The following NOX4 variants were observed in gnomAD, a reference collection of about 807,000 sequenced individuals.
NOX4 encodes the protein kidney oxidase-1.
In NOX4, 69 loss-of-function variants were observed where a neutral mutation model predicts 87.6. That is an observed-to-expected ratio of 0.79 (90% CI 0.65 to 0.96). The LOEUF (loss-of-function observed/expected upper bound fraction) is 0.96, where lower values mean the gene tolerates loss of function less well. Among genes scored for constraint, NOX4 ranks in the 40% least tolerant of loss-of-function variants. NOX4 has a pLI of 0.00. For missense variants in NOX4, 680 were observed against 681.5 expected, an observed-to-expected ratio of 1.00 and a Z score of 0.02; for synonymous variants, 275 against 238.2, an observed-to-expected ratio of 1.15 and a Z score of -1.42.
intron 6 of NOX4, among the ~76,000 whole-genome samples, chr11:89,436,248 G>T (rs1266105974): frequency 6.6e-6 from 1 of 152,154 alleles, no homozygotes. Context: ...GCTGTAAAGA[G>T]AGCTAAGCAC....
chr11:89,364,544 A>C (rs1287971732), intron 12 of NOX4, among the ~76,000 whole-genome samples: 1 of 152,124 alleles, frequency 6.6e-6, no homozygotes, highest in African/African-American at 2.4e-5. Flanking sequence ...ACTGTCTTAC[A>C]TAAGGGGAAA....
chr11:89,369,063 C>T (rs1157809143), intron 12 of NOX4, among the ~76,000 whole-genome samples: 1 of 152,068 alleles, frequency 6.6e-6, no homozygotes, highest in Non-Finnish European at 1.5e-5. Context: ...TTGTATGCTG[C>T]AAATGCAATT....
intron 8 of NOX4, among the ~76,000 whole-genome samples, chr11:89,407,658 C>G (rs1159922731): frequency 6.6e-6 from 1 of 151,618 alleles, no homozygotes; most frequent in East Asian, 1.9e-4. Flanking sequence ...GTTTTGCTTT[C>G]TGTTTGTTTC....
chr11:89,390,436 A>C (rs945753647), intron 11 of NOX4, among the ~76,000 whole-genome samples: 3 of 152,330 alleles, frequency 2.0e-5, no homozygotes, highest in African/African-American at 7.2e-5. Context: ...TTTAAAGCCA[A>C]CTATTGTAAC....
At chr11:89,487,466 T>C (rs1042377006) in intron 2 of NOX4, among the ~76,000 whole-genome samples, 1 of 152,134 alleles carries the variant, frequency 6.6e-6, no homozygotes, top group Non-Finnish European at 1.5e-5. Flanking sequence ...GTTATTACCT[T>C]ACATTTCACA....
At chr11:89,587,939 T>C in the NOX4 span, among the ~76,000 whole-genome samples, 1 of 152,164 alleles carries the variant, frequency 6.6e-6, no homozygotes, top group Non-Finnish European at 1.5e-5. Context: ...ACTTTATGTT[T>C]TCTCATTGCA....
chr11:89,325,719 T>C lies in NOX4; in HGVS notation c.*1037A>G, dbSNP rs1945193635. On this transcript the variant is annotated 3_prime_UTR_variant, in exon 18 of 18. Transcript: ENST00000263317. Reference sequence around the variant, plus strand: ...CAATGTGTGGCAAAGGAGATAAATCTTATATTCAGTCCCTACTGACACACA... The same window carrying C: ...CAATGTGTGGCAAAGGAGATAAATCCTATATTCAGTCCCTACTGACACACA... The C allele has an allele frequency of 6.6e-6, 1 of 152,016 alleles. No individual in the cohort carries two copies. The highest frequency in any genetic ancestry group is 2.4e-5 in the African/African-American group (1 of 41,396). The allele number at this position is 152,016 out of a possible 1,614,324, so 9.4% of individuals were successfully genotyped here. A position where few individuals can be genotyped will look rare whatever the true frequency, so the allele number is the denominator to read the frequency against.
intron 2 of NOX4, among the ~76,000 whole-genome samples, chr11:89,458,026 A>T (rs974098042): frequency 3.3e-5 from 5 of 152,176 alleles, no homozygotes; most frequent in African/African-American, 1.2e-4. Context: ...CAAACTACCA[A>T]TGCCAGTCAT....
intron 11 of NOX4, among the ~76,000 whole-genome samples, chr11:89,396,018 T>G (rs181820288): frequency 1.3e-5 from 2 of 152,158 alleles, no homozygotes; most frequent in Non-Finnish European, 2.9e-5. Flanking sequence ...AACTTTAAAG[T>G]AGTTTTTTCC....
At chr11:89,339,991 G>A (rs1225847317) in intron 15 of NOX4, 72 bp downstream of exon 15, 1 of 722,450 alleles carries the variant, frequency 1.4e-6, no homozygotes, top group South Asian at 2.3e-5. Flanking sequence ...AGCATTTATT[G>A]CTTTTGTAAT....
intron 2 of NOX4, chr11:89,488,864 C>A (rs977793636): frequency 9.8e-6 from 6 of 613,772 alleles, no homozygotes; most frequent in East Asian, 2.8e-5. Context: ...TAGAAGAAAC[C>A]TTTTCTTGTT....
At chr11:89,559,940 T>C in the NOX4 span, among the ~76,000 whole-genome samples, 1 of 152,148 alleles carries the variant, frequency 6.6e-6, no homozygotes, top group Non-Finnish European at 1.5e-5. Context: ...CCATCTGCTA[T>C]GGGTTGCATT....
chr11:89,376,071 A>G (rs1352018318), intron 11 of NOX4, among the ~76,000 whole-genome samples: 1 of 152,244 alleles, frequency 6.6e-6, no homozygotes, highest in Non-Finnish European at 1.5e-5. Context: ...TCTCATAGGA[A>G]ACTGTAAACT....
At chr11:89,567,887 T>C in the NOX4 span, among the ~76,000 whole-genome samples, 1 of 152,224 alleles carries the variant, frequency 6.6e-6, no homozygotes, top group Non-Finnish European at 1.5e-5. Flanking sequence ...AGCATGAGCA[T>C]GTGTACACAG....
chr11:89,434,968 G>T (rs1944002730), intron 6 of NOX4, among the ~76,000 whole-genome samples: 1 of 151,936 alleles, frequency 6.6e-6, no homozygotes, highest in South Asian at 2.1e-4. Flanking sequence ...GAGGGGTAGA[G>T]GGCAAGATGC....
the NOX4 span, among the ~76,000 whole-genome samples, chr11:89,518,805 T>C: frequency 6.6e-6 from 1 of 152,072 alleles, no homozygotes; most frequent in Non-Finnish European, 1.5e-5. Context: ...TGATCCACAG[T>C]GCTCTAAGGA....
chr11:89,344,370 G>C (rs1590973227), intron 13 of NOX4, among the ~76,000 whole-genome samples: 1 of 152,072 alleles, frequency 6.6e-6, no homozygotes, highest in Non-Finnish European at 1.5e-5. Context: ...GGCCCAGCCT[G>C]AGCAACAAAA....
chr11:89,467,720 G>A (rs1478885717), intron 2 of NOX4, among the ~76,000 whole-genome samples: 1 of 152,150 alleles, frequency 6.6e-6, no homozygotes, highest in Non-Finnish European at 1.5e-5. Flanking sequence ...TTGCCTTAAG[G>A]GTGAGGATTT....
intron 12 of NOX4, among the ~76,000 whole-genome samples, chr11:89,358,402 A>AAAAG (rs1554997235): frequency 1.0e-4 from 15 of 149,474 alleles, no homozygotes; most frequent in South Asian, 2.1e-4. Context: ...AAAAAAAAAA[A>AAAAG]AAAAGAAAAG....
Sources: allele counts gnomAD v4.1 joint callset (sites outside exome capture counted in the v4.1 genomes callset), GRCh38; gene constraint gnomAD v4.1.1; transcripts MANE v1.5; gene names NCBI Gene and HGNC (gene_info 2026-07-23, HGNC 2026-07-21).